ARID4B: variants seen among roughly 807,000 people sequenced by gnomAD.
ARID4B encodes AT-rich interaction domain 4B.
Under a neutral mutation model 147.5 loss-of-function variants are expected in ARID4B, and 26 were observed. That is an observed-to-expected ratio of 0.18 (90% CI 0.13 to 0.24). The LOEUF is 0.24. ARID4B is among the 10% of genes least tolerant of loss of function. ARID4B has a pLI of 1.00. For synonymous variants in ARID4B, 512 were observed against 507.9 expected, an observed-to-expected ratio of 1.01 and a Z score of -0.11; for missense variants, 1,179 against 1,511.5, an observed-to-expected ratio of 0.78 and a Z score of 3.65.
At chr1:235,253,732 CATAA>C (rs1669783529) in intron 5 of ARID4B, among the ~76,000 whole-genome samples, 1 of 152,112 alleles carries the variant, frequency 6.6e-6, no homozygotes, top group Non-Finnish European at 1.5e-5. Context: ...CTGTGATATA[CATAA>C]ATAATTTAGG....
At chr1:235,176,079 T>C (rs1239852539) in intron 21 of ARID4B, among the ~76,000 whole-genome samples, 2 of 152,144 alleles carry the variant, frequency 1.3e-5, no homozygotes, top group African/African-American at 2.4e-5. Flanking sequence ...AGGTAGGTGA[T>C]GGGATTAGTA....
intron 2 of ARID4B, among the ~76,000 whole-genome samples, chr1:235,278,159 C>G (rs1183659500): frequency 6.6e-6 from 1 of 152,188 alleles, no homozygotes; most frequent in East Asian, 1.9e-4. Flanking sequence ...TAAACAGACT[C>G]AATTTCAAAG....
chr1:235,173,651 C>T (rs571213024), intron 22 of ARID4B, among the ~76,000 whole-genome samples: 1 of 141,894 alleles, frequency 7.0e-6, no homozygotes, highest in South Asian at 2.3e-4. Context: ...AATCCTAGCA[C>T]TTTGGGAAGT....
At chr1:235,215,545 A>ATGTGTGTG (rs1324619607) in intron 16 of ARID4B, among the ~76,000 whole-genome samples, 53 of 109,014 alleles carry the variant, frequency 4.9e-4, no homozygotes, top group South Asian at 4.0e-3. Flanking sequence ...GCACACATAT[A>ATGTGTGTG]TATGTGTGTG....
At chr1:235,195,566 TG>T (rs1665437661) in intron 18 of ARID4B, among the ~76,000 whole-genome samples, 1 of 149,986 alleles carries the variant, frequency 6.7e-6, no homozygotes, top group Non-Finnish European at 1.5e-5. Flanking sequence ...TACTCCAGCC[TG>T]GGCAACAGAG....
intron 6 of ARID4B, among the ~76,000 whole-genome samples, chr1:235,247,084 CT>C (rs1669345944): frequency 6.6e-6 from 1 of 151,984 alleles, no homozygotes; most frequent in Non-Finnish European, 1.5e-5. Context: ...CATTTAATTT[CT>C]ACATTTGATT....
chr1:235,205,140 G>A (rs749852457), intron 17 of ARID4B, among the ~76,000 whole-genome samples: 15 of 151,866 alleles, frequency 9.9e-5, no homozygotes, highest in Non-Finnish European at 2.2e-4. Flanking sequence ...AAAATGAGTA[G>A]AACAACTTTG....
intron 2 of ARID4B, among the ~76,000 whole-genome samples, chr1:235,288,459 A>G (rs1672125551): frequency 6.6e-6 from 1 of 152,166 alleles, no homozygotes; most frequent in African/African-American, 2.4e-5. Flanking sequence ...CTGTGAATCT[A>G]TTTTTACATA....
chr1:235,220,568 C>T, intron 14 of ARID4B, 23 bp from the exon 15 acceptor site: 1 of 1,515,738 alleles, frequency 6.6e-7, no homozygotes, highest in Non-Finnish European at 8.8e-7. Flanking sequence ...AGAGAAATTA[C>T]ATTTGGTGAA....
chr1:235,236,635 T>G (rs992433404), intron 8 of ARID4B, among the ~76,000 whole-genome samples: 11 of 150,352 alleles, frequency 7.3e-5, no homozygotes, highest in African/African-American at 2.7e-4. Flanking sequence ...TGCCTCAGCC[T>G]CCCAAGTAGC....
intron 18 of ARID4B, among the ~76,000 whole-genome samples, chr1:235,195,306 T>C (rs1482651967): frequency 6.6e-6 from 1 of 152,074 alleles, no homozygotes; most frequent in East Asian, 1.9e-4. Context: ...AATAGGATCC[T>C]GTGGGGCTGG....
chr1:235,242,567 TATC>T (rs1232477766), intron 7 of ARID4B, among the ~76,000 whole-genome samples: 1 of 152,194 alleles, frequency 6.6e-6, no homozygotes, highest in Non-Finnish European at 1.5e-5. Flanking sequence ...AACACTCTAT[TATC>T]AGTAGCAGCT....
chr1:235,321,940 G>A (rs1275295402), intron 2 of ARID4B, among the ~76,000 whole-genome samples: 1 of 152,064 alleles, frequency 6.6e-6, no homozygotes, highest in Non-Finnish European at 1.5e-5. Context: ...TGTTTTTGCA[G>A]TGGCCTGATC....
intron 16 of ARID4B, among the ~76,000 whole-genome samples, chr1:235,216,310 TAC>T (rs71576467): frequency 7.4e-4 from 111 of 149,068 alleles, no homozygotes; most frequent in East Asian, 1.4e-3. Context: ...TATATATGTA[TAC>T]ACACACACAC....
intron 20 of ARID4B, chr1:235,181,088 G>C: frequency 9.8e-7 from 1 of 1,016,852 alleles, no homozygotes; most frequent in Non-Finnish European, 1.2e-6. Context: ...AGTCAGGCTT[G>C]AAAATCAGTT....
intron 2 of ARID4B, among the ~76,000 whole-genome samples, chr1:235,288,288 AAC>A (rs1672116532): frequency 6.6e-6 from 1 of 152,166 alleles, no homozygotes; most frequent in Non-Finnish European, 1.5e-5. Context: ...CAGCCTGAAA[AAC>A]AGAGTGAGAC....
rs769868437 is a variant in ARID4B at position 235,221,545 on chromosome 1, T to C, written c.1163+20A>G. On this transcript the variant is annotated intron_variant, in intron 14 of 23. Coordinates refer to ENST00000264183, the MANE Select transcript of ARID4B (RefSeq NM_016374.6). ...TAGGTAAAAATACTGAAGATAATCATATCAATTATACTAACTTACTTTTTA... is the reference window on the plus strand; with the variant it reads ...TAGGTAAAAATACTGAAGATAATCACATCAATTATACTAACTTACTTTTTA... 2.2e-6 allele frequency: 3 copies of C among 1,352,666 alleles called. No individual in the cohort carries two copies. The highest frequency in any genetic ancestry group is 3.1e-6 in the Non-Finnish European group (3 of 956,904). The allele number at this position is 1,352,666 out of a possible 1,614,324, so 83.8% of individuals were successfully genotyped here. A position where few individuals can be genotyped will look rare whatever the true frequency, so the allele number is the denominator to read the frequency against.
chr1:235,300,132 T>C (rs556509981), intron 2 of ARID4B, among the ~76,000 whole-genome samples: 60 of 152,298 alleles, frequency 3.9e-4, no homozygotes, highest in African/African-American at 1.4e-3. Context: ...AAACAGGCTC[T>C]GGGCCAGGCA....
At chr1:235,190,717 T>TG (rs1475296222) in intron 19 of ARID4B, among the ~76,000 whole-genome samples, 1 of 152,222 alleles carries the variant, frequency 6.6e-6, no homozygotes, top group Non-Finnish European at 1.5e-5. Flanking sequence ...CTCATGCACT[T>TG]GTTCTTTAGA....
Sources: gnomAD v4.1 joint callset for allele counts (sites outside exome capture counted in the v4.1 genomes callset) on GRCh38, gnomAD v4.1.1 for gene constraint, MANE v1.5 for transcripts, NCBI Gene and HGNC (gene_info 2026-07-23, HGNC 2026-07-21) for gene names.